Variants in CDK17 observed in about 807,000 individuals in gnomAD.
CDK17 encodes the protein cyclin dependent kinase 17, also known as cyclin-dependent kinase 17.
In CDK17, 24 loss-of-function variants were observed where a neutral mutation model predicts 77.6. The ratio of observed to expected loss-of-function variants is 0.31; its 90% CI spans 0.22 to 0.44. The LOEUF (loss-of-function observed/expected upper bound fraction) is 0.44, where lower values mean the gene tolerates loss of function less well. Ranked by LOEUF, CDK17 falls within the 20% of genes least tolerant of loss-of-function variation. CDK17 has a pLI of 1.00. For missense variants in CDK17, 429 were observed against 622.5 expected, an observed-to-expected ratio of 0.69 and a Z score of 3.31; for synonymous variants, 203 against 210.4, an observed-to-expected ratio of 0.96 and a Z score of 0.30.
chr12:96,316,170 T>C (rs1314505138), intron 3 of CDK17, among the ~76,000 whole-genome samples: 1 of 152,106 alleles, frequency 6.6e-6, no homozygotes, highest in Non-Finnish European at 1.5e-5. Flanking sequence ...GGGAGTTCTC[T>C]TTCCGAGTCA....
chr12:96,376,571 T>G (rs1285903516), intron 1 of CDK17, among the ~76,000 whole-genome samples: 6 of 152,220 alleles, frequency 3.9e-5, no homozygotes, highest in Non-Finnish European at 4.4e-5. Context: ...ACAAGCTCAG[T>G]TCAGTGACAC....
chr12:96,355,611 T>C (rs955933047), intron 1 of CDK17, among the ~76,000 whole-genome samples: 3 of 152,082 alleles, frequency 2.0e-5, no homozygotes, highest in Non-Finnish European at 4.4e-5. Context: ...TTTCACCATG[T>C]TGGCGAGGAT....
intron 1 of CDK17, among the ~76,000 whole-genome samples, chr12:96,342,572 A>T (rs796658999): frequency 5.3e-5 from 8 of 152,252 alleles, no homozygotes; most frequent in African/African-American, 1.7e-4. Flanking sequence ...AAACAAACAA[A>T]CAAACAAACA....
At chr12:96,321,903 T>C (rs1952821542) in intron 3 of CDK17, among the ~76,000 whole-genome samples, 1 of 148,440 alleles carries the variant, frequency 6.7e-6, no homozygotes, top group Non-Finnish European at 1.5e-5. Flanking sequence ...GGCACATGTA[T>C]ACATATGTAA....
chr12:96,323,277 A>AC lies in CDK17; in HGVS notation c.283+670_283+671insG, dbSNP rs200409868. Among the ~76,000 whole-genome samples the AC allele has an allele frequency of 1.9e-4, 19 of 100,422 alleles. No homozygotes were observed. The East Asian group carries it at 0.013, about 71-fold the overall frequency. The allele number at this position is 100,422 out of a possible 152,430, so 65.9% of individuals were successfully genotyped here. ...GTGAGACCCCGTCTTCTAAAAAAAA[A>AC]AAAAAAACAAAAACAAACAAACAAA... On this transcript the variant is annotated intron_variant, in intron 3 of 16. Transcript: ENST00000261211.
chr12:96,318,764 A>G (rs1368506228), intron 3 of CDK17, among the ~76,000 whole-genome samples: 3 of 145,830 alleles, frequency 2.1e-5, no homozygotes. Flanking sequence ...GAACAAAGAC[A>G]CAACATACCA....
At chr12:96,373,994 C>T (rs182806220) in intron 1 of CDK17, among the ~76,000 whole-genome samples, 168 of 152,240 alleles carry the variant, frequency 1.1e-3, no homozygotes, top group Admixed American at 1.7e-3. Context: ...AGATCTAAAT[C>T]AGAATGCATG....
At chr12:96,341,540 T>C (rs556040529) in intron 1 of CDK17, among the ~76,000 whole-genome samples, 2 of 152,288 alleles carry the variant, frequency 1.3e-5, no homozygotes, top group African/African-American at 4.8e-5. Flanking sequence ...AATAAGTACA[T>C]AAAAGGAACA....
intron 1 of CDK17, among the ~76,000 whole-genome samples, chr12:96,384,361 A>G (rs1386907599): frequency 6.6e-6 from 1 of 152,230 alleles, no homozygotes; most frequent in Non-Finnish European, 1.5e-5. Context: ...TTTCTCAAAG[A>G]GCTAAAAACT....
chr12:96,306,502 C>T (rs978286179), intron 5 of CDK17, among the ~76,000 whole-genome samples: 6 of 151,682 alleles, frequency 4.0e-5, no homozygotes, highest in Admixed American at 1.3e-4. Flanking sequence ...TACATTTTAC[C>T]TTAAAAAATA....
intron 1 of CDK17, among the ~76,000 whole-genome samples, chr12:96,375,930 T>C (rs548296498): frequency 6.6e-5 from 10 of 152,198 alleles, no homozygotes; most frequent in Admixed American, 1.3e-4. Flanking sequence ...AGGGGAAAAA[T>C]TGAAAGTCAA....
intron 10 of CDK17, among the ~76,000 whole-genome samples, chr12:96,291,351 G>C (rs1158772229): frequency 6.6e-6 from 1 of 152,010 alleles, no homozygotes; most frequent in Non-Finnish European, 1.5e-5. Flanking sequence ...GAATGAAATG[G>C]CTTGATCATG....
At chr12:96,377,428 G>C (rs1486554761) in intron 1 of CDK17, among the ~76,000 whole-genome samples, 1 of 151,680 alleles carries the variant, frequency 6.6e-6, no homozygotes, top group African/African-American at 2.4e-5. Context: ...TGACCTAAGA[G>C]AAAAATAAAG....
intron 5 of CDK17, among the ~76,000 whole-genome samples, chr12:96,307,880 C>A (rs1020680945): frequency 1.5e-5 from 2 of 136,556 alleles, no homozygotes; most frequent in Admixed American, 6.9e-5. Flanking sequence ...CACACACAGA[C>A]ACACACACAC....
intron 13 of CDK17, among the ~76,000 whole-genome samples, chr12:96,284,002 T>G (rs527845931): frequency 4.8e-4 from 73 of 152,342 alleles, no homozygotes; most frequent in Middle Eastern, 3.4e-3. Flanking sequence ...TATAAGAGCA[T>G]CATTTTCCTA....
chr12:96,311,266 A>AC, intron 4 of CDK17, 89 bp from the exon 5 acceptor site: 1 of 1,116,370 alleles, frequency 9.0e-7, no homozygotes, highest in Non-Finnish European at 1.2e-6. Flanking sequence ...TTTCTTAGTG[A>AC]TAAGTAATTG....
At chr12:96,310,504 C>T (rs1395509558) in intron 5 of CDK17, among the ~76,000 whole-genome samples, 1 of 151,920 alleles carries the variant, frequency 6.6e-6, no homozygotes, top group Non-Finnish European at 1.5e-5. Flanking sequence ...AACAATGTCA[C>T]ACATATGGGT....
intron 2 of CDK17, among the ~76,000 whole-genome samples, chr12:96,332,990 G>T (rs1361294996): frequency 6.6e-6 from 1 of 152,036 alleles, no homozygotes; most frequent in African/African-American, 2.4e-5. Flanking sequence ...AGGAAAAGAG[G>T]ATTGTCTTGT....
At chr12:96,282,748 CCA>C (rs34916547) in intron 14 of CDK17, 149 bp from the exon 15 acceptor site, 32,259 of 595,922 alleles carry the variant, frequency 0.054, 1,137 homozygotes, top group Non-Finnish European at 0.064. Context: ...TTGGAATACT[CCA>C]GTTATACTCT....
Sources: gnomAD v4.1 joint callset for allele counts (sites outside exome capture counted in the v4.1 genomes callset) on GRCh38, gnomAD v4.1.1 for gene constraint, MANE v1.5 for transcripts, NCBI Gene and HGNC (gene_info 2026-07-23, HGNC 2026-07-21) for gene names.